The following MAPK4 variants were observed in gnomAD, a reference collection of about 807,000 sequenced individuals.
MAPK4 encodes the protein Erk3-related.
A neutral mutation model predicts 47.7 loss-of-function variants in MAPK4; 22 were observed. The ratio of observed to expected loss-of-function variants is 0.46; its 90% confidence interval spans 0.33 to 0.66. The LOEUF (loss-of-function observed/expected upper bound fraction) is 0.66, where lower values mean the gene tolerates loss of function less well. MAPK4 is among the 30% of genes least tolerant of loss of function. The pLI is 0.02. For missense variants in MAPK4, 736 were observed against 831.7 expected (o/e 0.88, Z 1.42); for synonymous variants, 390 against 365.7 (o/e 1.07, Z -0.76).
At chr18:50,649,590 G>T (rs752960019) in intron 1 of MAPK4, among the ~76,000 whole-genome samples, 2 of 152,208 alleles carry the variant, frequency 1.3e-5, no homozygotes, top group Non-Finnish European at 2.9e-5. Context: ...TGTTCCGTAA[G>T]GAAGCTCTGT....
At chr18:50,667,434 G>A (rs988340393) in intron 2 of MAPK4, among the ~76,000 whole-genome samples, 5 of 152,218 alleles carry the variant, frequency 3.3e-5, no homozygotes, top group Admixed American at 3.3e-4. Flanking sequence ...CAGAAAAAGA[G>A]CACATACTTC....
intron 1 of MAPK4, among the ~76,000 whole-genome samples, chr18:50,598,329 G>A (rs960327127): frequency 7.9e-5 from 12 of 151,830 alleles, no homozygotes; most frequent in African/African-American, 9.7e-5. Context: ...CAGTCCTCCC[G>A]CTTCATTCAC....
intron 2 of MAPK4, among the ~76,000 whole-genome samples, chr18:50,686,568 T>C (rs1908891858): frequency 6.6e-6 from 1 of 152,250 alleles, no homozygotes; most frequent in Non-Finnish European, 1.5e-5. Flanking sequence ...GCTGGATGGC[T>C]AAGGGATGTT....
intron 1 of MAPK4, among the ~76,000 whole-genome samples, chr18:50,620,039 T>C (rs1200539515): frequency 6.6e-6 from 1 of 152,258 alleles, no homozygotes; most frequent in Admixed American, 6.5e-5. Flanking sequence ...ACAATAGGCA[T>C]GCACTTTGCT....
At chr18:50,692,680 A>T (rs1909286527) in intron 2 of MAPK4, among the ~76,000 whole-genome samples, 1 of 152,158 alleles carries the variant, frequency 6.6e-6, no homozygotes, top group Non-Finnish European at 1.5e-5. Context: ...ACTTGGTGGG[A>T]CAGAGCTAGG....
chr18:50,574,949 G>C (rs759615554), intron 1 of MAPK4, among the ~76,000 whole-genome samples: 1 of 152,174 alleles, frequency 6.6e-6, no homozygotes, highest in Non-Finnish European at 1.5e-5. Flanking sequence ...TCTTAAAATA[G>C]GAGCTGTTTC....
At position 50,726,167 on chromosome 18, in the gene MAPK4, C is replaced by T. The variant is rs1200988555; in HGVS notation, c.1059C>T (p.Cys353=). Residue 353 remains cysteine, a synonymous_variant, in exon 5 of 6, where the codon TGC becomes TGT. Coordinates refer to ENST00000400384, the MANE Select transcript of MAPK4 (RefSeq NM_002747.4). ...GCCAGCTGTCCAACTGGGACACGTG[C>T]AGTTCCAGGTGCTCGCAGCCCTGGG... The part of the protein sequence containing the change: ...NQSQLSNWDT[C]SSRYPVSLSS... The T allele has an allele frequency of 1.2e-6, 2 of 1,613,886 alleles. No homozygotes were observed. The highest frequency in any genetic ancestry group is 3.3e-5 in the Admixed American group (2 of 60,026).
At chr18:50,619,003 C>A (rs1231105661) in intron 1 of MAPK4, among the ~76,000 whole-genome samples, 2 of 152,200 alleles carry the variant, frequency 1.3e-5, no homozygotes, top group Non-Finnish European at 2.9e-5. Flanking sequence ...TTACATGCTA[C>A]TTATGCAAGA....
intron 1 of MAPK4, among the ~76,000 whole-genome samples, chr18:50,635,971 A>G (rs989502576): frequency 6.6e-6 from 1 of 151,462 alleles, no homozygotes; most frequent in Admixed American, 6.6e-5. Context: ...GGTCTAATCT[A>G]CTCTCTCAGA....
At chr18:50,649,258 A>G (rs1157837611) in intron 1 of MAPK4, among the ~76,000 whole-genome samples, 6 of 152,184 alleles carry the variant, frequency 3.9e-5, no homozygotes, top group Non-Finnish European at 7.3e-5. Flanking sequence ...ACCCACTCCC[A>G]CACTTGGGAT....
chr18:50,617,440 T>C (rs1437078831), intron 1 of MAPK4, among the ~76,000 whole-genome samples: 1 of 152,214 alleles, frequency 6.6e-6, no homozygotes, highest in Non-Finnish European at 1.5e-5. Context: ...CCCATGGTAT[T>C]ATGTTTTGTC....
At chr18:50,726,309 C>T (rs980079240) in intron 5 of MAPK4, 134 bp downstream of exon 5, 12 of 816,454 alleles carry the variant, frequency 1.5e-5, no homozygotes, top group Middle Eastern at 6.5e-4. Flanking sequence ...AGCTTAGCTT[C>T]CTGCCTTTCT....
chr18:50,721,641 C>G (rs1910939109), intron 3 of MAPK4, among the ~76,000 whole-genome samples: 2 of 152,216 alleles, frequency 1.3e-5, no homozygotes. Flanking sequence ...TGTTCCCATT[C>G]TTTAGTGCTG....
At chr18:50,632,462 G>C (rs533718951) in intron 1 of MAPK4, among the ~76,000 whole-genome samples, 5 of 152,194 alleles carry the variant, frequency 3.3e-5, no homozygotes, top group Middle Eastern at 3.4e-3. Flanking sequence ...GAGTCATCCA[G>C]CATCCCCTCT....
At chr18:50,690,364 A>G (rs556918025) in intron 2 of MAPK4, among the ~76,000 whole-genome samples, 1 of 152,382 alleles carries the variant, frequency 6.6e-6, no homozygotes, top group African/African-American at 2.4e-5. Context: ...AATGCAAACC[A>G]TACCAATTTC....
At chr18:50,589,401 C>T (rs1442575896) in intron 1 of MAPK4, among the ~76,000 whole-genome samples, 1 of 152,162 alleles carries the variant, frequency 6.6e-6, no homozygotes, top group Non-Finnish European at 1.5e-5. Flanking sequence ...TCGAGACCAT[C>T]CTGGCTAACA....
rs773824081 is a variant in MAPK4, at chr18:50,729,325, C to T, written c.1235C>T (p.Ser412Leu). The T allele has an allele frequency of 6.3e-7, 1 of 1,597,978 alleles. No individual in the cohort carries two copies. The highest frequency in any genetic ancestry group is 8.5e-7 in the Non-Finnish European group (1 of 1,171,836). The part of the protein sequence containing the change: ...HSSSERFLEQ[S>L]HSSMERAFEA... ...AGCTCCGAGCGCTTCCTAGAGCAGT[C>T]GCACTCGTCCATGGAGCGCGCCTTC... The change falls in exon 6 of 6, where the codon TCG (serine) becomes TTG (leucine). Residue 412 changes from serine to leucine, a missense_variant. This residue lies in a region of MAPK4 where 377 missense variants were observed against 378.6 expected (regional missense o/e 1.00). Coordinates refer to ENST00000400384, the MANE Select transcript of MAPK4 (RefSeq NM_002747.4).
intron 1 of MAPK4, chr18:50,560,854 C>T (rs1250136379): frequency 2.0e-5 from 3 of 152,286 alleles, no homozygotes; most frequent in Admixed American, 6.5e-5. Flanking sequence ...GGCAGCGGCT[C>T]GGGTTTGACA....
chr18:50,564,490 A>C (rs1012494186), intron 1 of MAPK4, among the ~76,000 whole-genome samples: 1 of 152,194 alleles, frequency 6.6e-6, no homozygotes, highest in Non-Finnish European at 1.5e-5. Flanking sequence ...CTGCTGCTTG[A>C]CAACCACTGT....
Sources: gnomAD v4.1 joint callset for allele counts (sites outside exome capture counted in the v4.1 genomes callset) on GRCh38, gnomAD v4.1.1 for gene constraint, gnomAD v4.1.1 regional missense constraint, MANE v1.5 for transcripts, NCBI Gene and HGNC (gene_info 2026-07-23, HGNC 2026-07-21) for gene names.